DCAF17: variants seen among roughly 807,000 people sequenced by gnomAD.
DCAF17 encodes DDB1 and CUL4 associated factor 17.
A neutral mutation model predicts 66.0 loss-of-function variants in DCAF17; 48 were observed. That is an observed-to-expected ratio of 0.73 (90% confidence interval 0.58 to 0.92). DCAF17 has a LOEUF of 0.92. DCAF17 is among the 40% of genes least tolerant of loss of function. The probability of loss-of-function intolerance (pLI) is 0.00; values close to 1 mark genes in which losing one functional copy is unlikely to be tolerated. For missense variants in DCAF17, 562 were observed against 622.8 expected (o/e 0.90, Z 1.04); for synonymous variants, 206 against 214.6 (o/e 0.96, Z 0.35).
intron 11 of DCAF17, 79 bp downstream of exon 11, chr2:171,477,029 T>A: frequency 8.7e-7 from 1 of 1,146,208 alleles, no homozygotes. Context: ...TATATTTGCC[T>A]TTGAGTGTAG....
intron 8 of DCAF17, among the ~76,000 whole-genome samples, chr2:171,462,714 C>A (rs1695656599): frequency 6.6e-6 from 1 of 152,026 alleles, no homozygotes; most frequent in Non-Finnish European, 1.5e-5. Context: ...AGGAATTTAT[C>A]CCAGATATAT....
chr2:171,444,756 CATAAT>C (rs1218280966), intron 3 of DCAF17, among the ~76,000 whole-genome samples: 1 of 152,168 alleles, frequency 6.6e-6, no homozygotes, highest in Non-Finnish European at 1.5e-5. Context: ...AAACGGAACT[CATAAT>C]ATGTGACCAA....
rs1258868577 is a variant in DCAF17 at position 171,483,405 on chromosome 2, C to G, written c.*2291C>G. 1 of 454,080 alleles carries G rather than the reference C, an allele frequency of 2.2e-6. No homozygotes were observed. The allele number at this position is 454,080 out of a possible 1,614,324, so 28.1% of individuals were successfully genotyped here. A position where few individuals can be genotyped will look rare whatever the true frequency, so the allele number is the denominator to read the frequency against. ...CTTCCATCAGCAGGTACAGACGTTA[C>G]GCTGAAAAGAGGTGCATTCTGCATT... On this transcript the variant is annotated 3_prime_UTR_variant, in exon 14 of 14. Coordinates refer to ENST00000375255, the MANE Select transcript of DCAF17 (RefSeq NM_025000.4).
At chr2:171,465,063 T>C (rs928607598) in intron 8 of DCAF17, among the ~76,000 whole-genome samples, 1 of 152,028 alleles carries the variant, frequency 6.6e-6, no homozygotes, top group Non-Finnish European at 1.5e-5. Context: ...CCAGGCGTGG[T>C]GGTGTGCACT....
intron 9 of DCAF17, among the ~76,000 whole-genome samples, chr2:171,471,911 A>G (rs1574394384): frequency 6.6e-6 from 1 of 152,044 alleles, no homozygotes; most frequent in East Asian, 1.9e-4. Flanking sequence ...GCTACTTGGG[A>G]GGCTGAGGTG....
chr2:171,459,224 A>G (rs932696042), intron 8 of DCAF17, among the ~76,000 whole-genome samples: 3 of 152,198 alleles, frequency 2.0e-5, no homozygotes, highest in African/African-American at 7.2e-5. Context: ...AGGCAGGAGA[A>G]TAACTTAGAC....
At position 171,480,331 on chromosome 2, in the gene DCAF17, A is replaced by G. The variant is rs527562606; in HGVS notation, c.1422+138A>G. ...ATGTGAAAGAGGTTTTGTCCTATAT[A>G]CAGGACAAAAGAGTACTTCTTAAGC... On this transcript the variant is annotated intron_variant, in intron 13 of 13. Transcript: ENST00000375255. The G allele has an allele frequency of 2.5e-5, 27 of 1,080,046 alleles. No individual in the cohort carries two copies. In the African/African-American group the frequency reaches 3.6e-4, roughly 14 times the overall value. 66.9% of individuals were successfully genotyped at this position (1,080,046 alleles called of 1,614,324 possible). A position where few individuals can be genotyped will look rare whatever the true frequency, so the allele number is the denominator to read the frequency against.
chr2:171,464,494 A>G (rs967075303), intron 8 of DCAF17, among the ~76,000 whole-genome samples: 3 of 152,136 alleles, frequency 2.0e-5, no homozygotes, highest in African/African-American at 7.2e-5. Context: ...CCTTATAAGG[A>G]CACCAGTCAT....
chr2:171,463,591 C>T (rs919820679), intron 8 of DCAF17, among the ~76,000 whole-genome samples: 3 of 152,188 alleles, frequency 2.0e-5, no homozygotes, highest in African/African-American at 7.2e-5. Context: ...TTGAGATGTT[C>T]AGAACTTGAC....
At position 171,435,191 on chromosome 2, in the gene DCAF17, CTT is replaced by C; in HGVS notation, c.230+9_230+10del. The stretch of plus-strand genomic sequence containing the variant: ...TTATCGGCGCTGTGTCAGCAGGTAA[CTT>C]TTTATTGATAATTTTGCTGTAATTC... On this transcript the variant is annotated splice_donor_region_variant and intron_variant, in intron 2 of 13. Transcript: ENST00000375255. 1.9e-6 allele frequency: 3 copies of C among 1,603,126 alleles called. No individual in the cohort carries two copies. The highest frequency in any genetic ancestry group is 1.7e-6 in the Non-Finnish European group (2 of 1,170,300).
intron 3 of DCAF17, among the ~76,000 whole-genome samples, chr2:171,444,994 G>A (rs759704034): frequency 1.7e-4 from 26 of 152,040 alleles, no homozygotes; most frequent in Non-Finnish European, 2.5e-4. Context: ...TAACTGTTGT[G>A]CCTTTAGCAA....
chr2:171,448,962 C>T (rs776839643), intron 4 of DCAF17, 145 bp downstream of exon 4: 20 of 715,784 alleles, frequency 2.8e-5, no homozygotes, highest in Non-Finnish European at 4.2e-5. Context: ...TTTCTCCCCT[C>T]ATGACTACAT....
chr2:171,463,301 T>TAA (rs1241166362), intron 8 of DCAF17, among the ~76,000 whole-genome samples: 5 of 125,720 alleles, frequency 4.0e-5, no homozygotes, highest in South Asian at 2.5e-4. Context: ...TACTATTAAG[T>TAA]AAAAAAAAAA....
At position 171,483,737 on chromosome 2, in the gene DCAF17, T is replaced by C. The variant is rs886055115; in HGVS notation, c.*2623T>C. On this transcript the variant is annotated 3_prime_UTR_variant, in exon 14 of 14. Coordinates refer to ENST00000375255, the MANE Select transcript of DCAF17 (RefSeq NM_025000.4). Reference sequence around the variant, plus strand: ...GTAAAGTGGGTTGTCTCATTTAATATTCAGAATAACCACATGAAGTATGAA... The same window carrying C: ...GTAAAGTGGGTTGTCTCATTTAATACTCAGAATAACCACATGAAGTATGAA... 1 of 453,994 alleles carries C rather than the reference T, an allele frequency of 2.2e-6. No individual in the cohort carries two copies. The highest frequency in any genetic ancestry group is 2.0e-5 in the African/African-American group (1 of 49,988). The allele number at this position is 453,994 out of a possible 1,614,324, so 28.1% of individuals were successfully genotyped here. A position where few individuals can be genotyped will look rare whatever the true frequency, so the allele number is the denominator to read the frequency against.
intron 10 of DCAF17, among the ~76,000 whole-genome samples, 189 bp from the exon 11 acceptor site, chr2:171,476,671 C>T (rs1285496438): frequency 6.6e-6 from 1 of 152,184 alleles, no homozygotes; most frequent in Non-Finnish European, 1.5e-5. Context: ...TTCTGTTTAA[C>T]AGAATCTCCG....
intron 4 of DCAF17, 111 bp from the exon 5 acceptor site, chr2:171,449,767 CT>C (rs1390686011): frequency 4.2e-6 from 3 of 708,180 alleles, no homozygotes; most frequent in Non-Finnish European, 4.4e-6. Context: ...GATCACTTTG[CT>C]TTTATAATTT....
In DCAF17 at chr2:171,449,947, T is replaced by G; in HGVS notation, c.527T>G (p.Val176Gly). Residue 176 changes from valine to glycine, a missense_variant, in exon 5 of 14, where the codon GTG (valine) becomes GGG (glycine). Physicochemically the swap from Val to Gly is moderately radical, Grantham distance 109. This residue lies in a region of DCAF17 where 348 missense variants were observed against 355.9 expected (regional missense o/e 0.98). Coordinates refer to ENST00000375255, the MANE Select transcript of DCAF17 (RefSeq NM_025000.4). ...TCAGCTCAGAACAGAGGCTCAGCAG[T>G]GGCCCGGCAGGTATACATATTTAAA... ...VKSAQNRGSA[V>G]ARQAGIQQHV... 1 of 1,613,390 alleles carries G rather than the reference T, an allele frequency of 6.2e-7. No individual in the cohort carries two copies. Among genetic ancestry groups the G allele is most frequent in the Non-Finnish European group, 8.5e-7 (1 of 1,179,426 alleles).
chr2:171,454,882 C>CAA (rs1260304343), intron 6 of DCAF17, among the ~76,000 whole-genome samples: 1 of 138,028 alleles, frequency 7.2e-6, no homozygotes, highest in Non-Finnish European at 1.6e-5. Context: ...AACTCCATCT[C>CAA]AAAAAAAAAA....
At chr2:171,451,569 A>AT (rs1694954853) in intron 5 of DCAF17, among the ~76,000 whole-genome samples, 1 of 152,128 alleles carries the variant, frequency 6.6e-6, no homozygotes, top group South Asian at 2.1e-4. Flanking sequence ...AAGAGCAAGA[A>AT]TTTTTGTTTT....
Sources: gnomAD v4.1 joint callset for allele counts (sites outside exome capture counted in the v4.1 genomes callset) on GRCh38, gnomAD v4.1.1 for gene constraint, gnomAD v4.1.1 regional missense constraint, MANE v1.5 for transcripts, NCBI Gene and HGNC (gene_info 2026-07-23, HGNC 2026-07-21) for gene names.